Variants in DLEC1 observed in about 807,000 individuals in gnomAD.
The protein encoded by DLEC1 is deleted in lung and esophageal cancer protein 1.
In DLEC1, 146 loss-of-function variants were observed where a neutral mutation model predicts 198.1. The ratio of observed to expected loss-of-function variants is 0.74; its 90% CI spans 0.64 to 0.85. The LOEUF (loss-of-function observed/expected upper bound fraction) is 0.85. Among genes scored for constraint, DLEC1 ranks in the 40% least tolerant of loss-of-function variants. The pLI is 0.00. For missense variants in DLEC1, 2,233 were observed against 2,220.0 expected, an observed-to-expected ratio of 1.01 and a Z score of -0.12; for synonymous variants, 897 against 866.8, an observed-to-expected ratio of 1.03 and a Z score of -0.61.
chr3:38,095,701 T>C (rs901143321), intron 13 of DLEC1, 187 bp from the exon 14 acceptor site: 2 of 651,684 alleles, frequency 3.1e-6, no homozygotes, highest in South Asian at 1.9e-5. Flanking sequence ...TCCTGGCTCA[T>C]GTTCTGGCAG....
rs370530355 is a variant in DLEC1, at chr3:38,097,513, G to A, written c.2441G>A (p.Ser814Asn). 6.2e-7 allele frequency: 1 copy of A among 1,614,194 alleles called. No homozygotes were observed. The highest frequency in any genetic ancestry group is 2.2e-5 in the East Asian group (1 of 44,872). ...CCTTTCCCTCTCTTCTCAGAGCCCAGTGAGGTCGGGGATTTTGAGTTGAAC... is the reference window on the plus strand; with the variant it reads ...CCTTTCCCTCTCTTCTCAGAGCCCAATGAGGTCGGGGATTTTGAGTTGAAC... The part of the protein sequence containing the change: ...VEPGTGVIEP[S>N]EVGDFELNFT... The change falls in exon 17 of 37, where the codon AGT becomes AAT. Residue 814 changes from serine to asparagine, a missense_variant. By Grantham distance (46) the Ser-to-Asn change is conservative (BLOSUM62 1). Transcript: ENST00000308059.
rs752782570 is a variant in DLEC1, at chr3:38,117,243, G to A, written c.4341G>A (p.Leu1447=). 3.5e-5 allele frequency: 57 copies of A among 1,614,158 alleles called. 1 individual carries two copies. The highest frequency in any genetic ancestry group is 3.3e-4 in the Middle Eastern group (2 of 6,062). The part of the protein sequence containing the change: ...EREIPGKRHR[L]QDFAVGPLKL... Reference sequence around the variant, plus strand: ...AGATTCCAGGGAAGAGGCATCGCCTGCAGGACTTTGCGGTGGGACCCCTGA... The same window carrying A: ...AGATTCCAGGGAAGAGGCATCGCCTACAGGACTTTGCGGTGGGACCCCTGA... The change falls in exon 31 of 37, where the codon CTG becomes CTA. Residue 1447 remains leucine (L), a synonymous_variant. Coordinates refer to ENST00000308059, the MANE Select transcript of DLEC1 (RefSeq NM_007335.4).
Position 38,116,666 on chromosome 3 carries a change from G to C in DLEC1, c.4062+8G>C. Reference sequence around the variant, plus strand: ...CATGAAACTGACTCATCAGTGAGCAGGGGTGGAGGGGCGGGGCAGGCTGGC... The same window carrying C: ...CATGAAACTGACTCATCAGTGAGCACGGGTGGAGGGGCGGGGCAGGCTGGC... On this transcript the variant is annotated splice_region_variant and intron_variant, in intron 28 of 36. Transcript: ENST00000308059. 11 of 1,613,744 alleles carry C rather than the reference G, an allele frequency of 6.8e-6. No individual in the cohort carries two copies. Among genetic ancestry groups the C allele is most frequent in the Non-Finnish European group, 9.3e-6 (11 of 1,179,654 alleles).
rs921465508 is a variant in DLEC1, at chr3:38,118,045, C to G, written c.4704+21C>G. On this transcript the variant is annotated intron_variant, in intron 33 of 36. Transcript: ENST00000308059. Reference sequence around the variant, plus strand: ...TGCTGGTCAGTGGGGGAGTCTGCAGCCCTTGCCTCGATGGCACACCCTCAC... The same window carrying G: ...TGCTGGTCAGTGGGGGAGTCTGCAGGCCTTGCCTCGATGGCACACCCTCAC... The G allele has an allele frequency of 8.9e-6, 14 of 1,570,690 alleles. No homozygotes were observed. The African/African-American group carries it at 1.8e-4, about 20-fold the overall frequency.
At chr3:38,061,568 TG>T (rs1415387446) in intron 3 of DLEC1, among the ~76,000 whole-genome samples, 1 of 152,246 alleles carries the variant, frequency 6.6e-6, no homozygotes, top group Non-Finnish European at 1.5e-5. Context: ...TGCTCATGTA[TG>T]GGGTATGTGT....
intron 9 of DLEC1, among the ~76,000 whole-genome samples, chr3:38,086,684 G>A (rs565653412): frequency 4.2e-4 from 64 of 152,324 alleles, no homozygotes; most frequent in Non-Finnish European, 7.2e-4. Flanking sequence ...GCAAATGACT[G>A]AATAGTTCAG....
chr3:38,100,526 T>C (rs1575203180), intron 19 of DLEC1, 101 bp downstream of exon 19: 3 of 1,363,656 alleles, frequency 2.2e-6, no homozygotes, highest in Non-Finnish European at 2.9e-6. Flanking sequence ...GATTTAAAAC[T>C]ATTGAATCCA....
In DLEC1 at chr3:38,117,490, C is replaced by T. The variant is rs114193883; in HGVS notation, c.4401-37C>T. ...GTGGGGGCAGCCAGAAGGCCCCAGG[C>T]GCCCGGCTTGCCCCAACAATGCCTA... On this transcript the variant is annotated intron_variant, in intron 31 of 36. Coordinates refer to ENST00000308059, the MANE Select transcript of DLEC1 (RefSeq NM_007335.4). 109 of 1,613,686 alleles carry T rather than the reference C, an allele frequency of 6.8e-5. No individual in the cohort carries two copies. In the African/African-American group the frequency reaches 7.7e-4, roughly 11 times the overall value.
At position 38,117,943 on chromosome 3, in the gene DLEC1, C is replaced by T; in HGVS notation, c.4623C>T (p.Gly1541=). The change falls in exon 33 of 37, where the codon GGC becomes GGT. Residue 1541 remains glycine, a synonymous_variant. Transcript: ENST00000308059. ...CGAGCCAGGACCACAGAGCTCCTGG[C>T]CCTGGCCAGAAGCAGGAGTGTGAGG... ...DGASQDHRAP[G]PGQKQECEEE... is the part of the protein sequence containing the mutation. 6.2e-7 allele frequency: 1 copy of T among 1,614,094 alleles called. No homozygotes were observed. The highest frequency in any genetic ancestry group is 1.1e-5 in the South Asian group (1 of 91,074).
At position 38,122,815 on chromosome 3, in the gene DLEC1, G is replaced by C; in HGVS notation, c.*403G>C. 1.1e-6 allele frequency: 1 copy of C among 921,462 alleles called. No individual in the cohort carries two copies. Among genetic ancestry groups the C allele is most frequent in the Non-Finnish European group, 1.6e-6 (1 of 636,350 alleles). 57.1% of individuals were successfully genotyped at this position (921,462 alleles called of 1,614,324 possible). ...CCTTGTGGCCTGGGTGACCCAGGCT[G>C]CTTTTATCTTGCACAGCTAAAGAGG... On this transcript the variant is annotated 3_prime_UTR_variant, in exon 37 of 37. Transcript: ENST00000308059.
chr3:38,094,962 G>A lies in DLEC1; in HGVS notation c.2003G>A (p.Ser668Asn). ...CCTGGAGAAACCTTCAGCATGGACA[G>A]CATCAAGTGCTACCCCGACAAGGAG... ...LMPGETFSMD[S>N]IKCYPDKETA... Residue 668 changes from serine (S) to asparagine (N), a missense_variant, in exon 13 of 37, where the codon AGC becomes AAC. Coordinates refer to ENST00000308059, the MANE Select transcript of DLEC1 (RefSeq NM_007335.4). 1.9e-6 allele frequency: 3 copies of A among 1,614,194 alleles called. No homozygotes were observed. The highest frequency in any genetic ancestry group is 2.5e-6 in the Non-Finnish European group (3 of 1,180,024).
intron 10 of DLEC1, 91 bp downstream of exon 10, chr3:38,088,479 C>A: frequency 8.2e-7 from 1 of 1,220,246 alleles, no homozygotes. Flanking sequence ...CAGTCCCATC[C>A]CATATCACAG....
chr3:38,092,830 C>A lies in DLEC1; in HGVS notation c.1706C>A (p.Thr569Asn). ...SPKSLGKAEQ[T>N]FIIMCDNCQI... is the part of the protein sequence containing the mutation. ...AAGAGCCTAGGAAAGGCAGAGCAGA[C>A]CTTCATCATCATGTGCGACAACTGC... The change falls in exon 11 of 37, where the codon ACC becomes AAC. Residue 569 changes from threonine to asparagine, a missense_variant. Coordinates refer to ENST00000308059, the MANE Select transcript of DLEC1 (RefSeq NM_007335.4). 1 of 1,614,162 alleles carries A rather than the reference C, an allele frequency of 6.2e-7. No individual in the cohort carries two copies.
At chr3:38,090,862 T>C (rs1398892272) in intron 10 of DLEC1, among the ~76,000 whole-genome samples, 1 of 152,072 alleles carries the variant, frequency 6.6e-6, no homozygotes, top group East Asian at 1.9e-4. Context: ...CATCCATGTA[T>C]TCATTACTCA....
Position 38,059,908 on chromosome 3 carries a change from G to T in DLEC1, c.673+56G>T, listed in dbSNP as rs562302374. The T allele has an allele frequency of 4.0e-5, 57 of 1,413,928 alleles. No individual in the cohort carries two copies. The African/African-American group carries it at 5.2e-4, about 13-fold the overall frequency. The allele number at this position is 1,413,928 out of a possible 1,614,324, so 87.6% of individuals were successfully genotyped here. A position where few individuals can be genotyped will look rare whatever the true frequency, so the allele number is the denominator to read the frequency against. On this transcript the variant is annotated intron_variant, in intron 3 of 36. Transcript: ENST00000308059. Reference sequence around the variant, plus strand: ...TACCATTTGGGGGAAGTTCAGTAGGGCCACGTTGGCCACCTCTGCTGCCAT... The same window carrying T: ...TACCATTTGGGGGAAGTTCAGTAGGTCCACGTTGGCCACCTCTGCTGCCAT...
chr3:38,118,521 A>G (rs1029063652), intron 33 of DLEC1, among the ~76,000 whole-genome samples: 1 of 152,180 alleles, frequency 6.6e-6, no homozygotes, highest in African/African-American at 2.4e-5. Context: ...CTGGATTTTC[A>G]GAGTTGGTTA....
Position 38,123,082 on chromosome 3 carries a change from C to A in DLEC1, c.*670C>A. On this transcript the variant is annotated 3_prime_UTR_variant, in exon 37 of 37. Transcript: ENST00000308059. The stretch of plus-strand genomic sequence containing the variant: ...GGGTATTCAAAGACGGCAGCGGCTC[C>A]CATTCCAGTCCCGATGCACATGGAC... 1 of 1,614,184 alleles carries A rather than the reference C, an allele frequency of 6.2e-7. No homozygotes were observed. The highest frequency in any genetic ancestry group is 8.5e-7 in the Non-Finnish European group (1 of 1,180,048).
At chr3:38,095,599 G>A (rs1698974257) in intron 13 of DLEC1, 7 of 430,330 alleles carry the variant, frequency 1.6e-5, no homozygotes, top group Non-Finnish European at 3.0e-5. Context: ...ATCCTGGGAG[G>A]GTGTGGTGCT....
In DLEC1 at chr3:38,117,572, C is replaced by T; in HGVS notation, c.4446C>T (p.Cys1482=). Residue 1482 remains cysteine (C), a synonymous_variant, in exon 32 of 37, where the codon TGC becomes TGT. Coordinates refer to ENST00000308059, the MANE Select transcript of DLEC1 (RefSeq NM_007335.4). ...LDYGGSMEFQ[C]QASDLIPEQP... ...ACGGCGGCAGTATGGAATTCCAGTG[C>T]CAGGCCAGTGACCTCATTCCCGAGC... is the stretch of plus-strand genomic sequence containing the variant. 6.2e-7 allele frequency: 1 copy of T among 1,614,158 alleles called. No individual in the cohort carries two copies. The highest frequency in any genetic ancestry group is 8.5e-7 in the Non-Finnish European group (1 of 1,179,992).
Sources: gnomAD v4.1 joint callset for allele counts (sites outside exome capture counted in the v4.1 genomes callset) on GRCh38, gnomAD v4.1.1 for gene constraint, MANE v1.5 for transcripts, NCBI Gene and HGNC (gene_info 2026-07-23, HGNC 2026-07-21) for gene names.